Variants in FILIP1L observed in about 807,000 individuals in gnomAD.
FILIP1L encodes the protein filamin A interacting protein 1 like, also known as filamin A-interacting protein 1-like.
FILIP1L carries 55 observed loss-of-function variants against 96.6 expected under a neutral mutation model. The observed-to-expected ratio is 0.57, with a 90% CI of 0.46 to 0.71. The LOEUF (loss-of-function observed/expected upper bound fraction) is 0.71, where lower values mean the gene tolerates loss of function less well. FILIP1L is among the 30% of genes least tolerant of loss of function. The probability of loss-of-function intolerance (pLI) is 0.00; values close to 1 mark genes in which losing one functional copy is unlikely to be tolerated. For synonymous variants in FILIP1L, 467 were observed against 473.9 expected (o/e 0.99, Z 0.19); for missense variants, 1,304 against 1,321.2 (o/e 0.99, Z 0.20).
At chr3:99,917,183 G>T (rs776739830) in intron 4 of FILIP1L, among the ~76,000 whole-genome samples, 9 of 152,118 alleles carry the variant, frequency 5.9e-5, no homozygotes, top group Non-Finnish European at 1.2e-4. Context: ...TTCTCCTAGG[G>T]CTGTGCTGGC....
At chr3:99,896,143 AAC>A (rs1489902377) in intron 4 of FILIP1L, among the ~76,000 whole-genome samples, 4 of 152,198 alleles carry the variant, frequency 2.6e-5, no homozygotes, top group African/African-American at 9.7e-5. Context: ...AAGTGTGAAT[AAC>A]TGCTAATGGT....
At chr3:99,886,600 CA>C (rs369804940) in intron 4 of FILIP1L, among the ~76,000 whole-genome samples, 1,869 of 150,074 alleles carry the variant, frequency 0.012, 19 homozygotes, top group Admixed American at 0.021. Context: ...AACAAAGGCC[CA>C]AAAAAAAATT....
intron 1 of FILIP1L, among the ~76,000 whole-genome samples, chr3:100,066,467 T>C (rs2065664926): frequency 6.6e-6 from 1 of 151,394 alleles, no homozygotes; most frequent in Admixed American, 6.6e-5. Flanking sequence ...TGAATGGTGA[T>C]GTCATGGATA....
chr3:100,014,874 CTTTTTTTTTTTTCTTTCTTTCT>C (rs1710279654), intron 1 of FILIP1L, among the ~76,000 whole-genome samples: 2 of 28,210 alleles, frequency 7.1e-5, no homozygotes, highest in South Asian at 1.1e-3. Context: ...TTTTTCTTTT[CTTTTTTTTTTTTCTTTCTTTCT>C]TTTTTTTTTT....
intron 4 of FILIP1L, among the ~76,000 whole-genome samples, chr3:99,879,291 T>A (rs930186002): frequency 6.6e-6 from 1 of 152,238 alleles, no homozygotes. Context: ...TTAGCCATAT[T>A]ATATTATGTC....
intron 1 of FILIP1L, among the ~76,000 whole-genome samples, chr3:99,991,973 C>CATATATGTGTGTATAT (rs1248111331): frequency 6.8e-6 from 1 of 147,018 alleles, no homozygotes; most frequent in African/African-American, 2.5e-5. Flanking sequence ...TATATATACA[C>CATATATGTGTGTATAT]ACATATATGT....
intron 1 of FILIP1L, among the ~76,000 whole-genome samples, chr3:99,976,886 C>A (rs1054865743): frequency 1.3e-5 from 2 of 152,046 alleles, no homozygotes; most frequent in African/African-American, 4.8e-5. Flanking sequence ...CCTACCTTGC[C>A]CCCAGTCTTT....
intron 1 of FILIP1L, among the ~76,000 whole-genome samples, chr3:99,966,517 A>C (rs1345260120): frequency 6.6e-6 from 1 of 152,196 alleles, no homozygotes; most frequent in African/African-American, 2.4e-5. Flanking sequence ...AATAGTACGG[A>C]GACTTAGACT....
At chr3:99,919,159 C>T (rs181675314) in intron 4 of FILIP1L, among the ~76,000 whole-genome samples, 5 of 152,010 alleles carry the variant, frequency 3.3e-5, no homozygotes, top group Admixed American at 6.5e-5. Flanking sequence ...CTTAATGGCA[C>T]GATATTGAAT....
chr3:99,893,130 C>A (rs1706139129), intron 4 of FILIP1L, among the ~76,000 whole-genome samples: 1 of 145,688 alleles, frequency 6.9e-6, no homozygotes, highest in Non-Finnish European at 1.5e-5. Context: ...TTTCAGGTAT[C>A]TCTATTTCCA....
intron 5 of FILIP1L, among the ~76,000 whole-genome samples, chr3:99,844,891 T>C (rs1215666191): frequency 6.6e-6 from 1 of 152,182 alleles, no homozygotes; most frequent in African/African-American, 2.4e-5. Context: ...CCTTAGCTTT[T>C]CTTTGCCTCC....
chr3:100,083,137 T>C (rs1324964694), intron 1 of FILIP1L, among the ~76,000 whole-genome samples: 1 of 152,216 alleles, frequency 6.6e-6, no homozygotes, highest in African/African-American at 2.4e-5. Flanking sequence ...TGGCAGTCAG[T>C]ACCTGACAGG....
At chr3:100,073,288 G>C (rs1176593098) in intron 1 of FILIP1L, among the ~76,000 whole-genome samples, 2 of 152,152 alleles carry the variant, frequency 1.3e-5, no homozygotes. Context: ...CAACAGAAAA[G>C]TTGAGTTCTT....
chr3:99,965,245 C>T (rs1708614054), intron 1 of FILIP1L, among the ~76,000 whole-genome samples: 1 of 152,132 alleles, frequency 6.6e-6, no homozygotes, highest in African/African-American at 2.4e-5. Flanking sequence ...TCCTTTGAGT[C>T]CAAGTGGTTT....
intron 2 of FILIP1L, 63 bp downstream of exon 2, chr3:99,930,706 A>T: frequency 1.3e-6 from 2 of 1,572,810 alleles, no homozygotes; most frequent in East Asian, 4.5e-5. Context: ...GGCAGCAGGA[A>T]CACCAAATTC....
At chr3:100,033,725 C>A (rs999756373) in intron 1 of FILIP1L, among the ~76,000 whole-genome samples, 15 of 152,062 alleles carry the variant, frequency 9.9e-5, no homozygotes, top group South Asian at 2.1e-4. Flanking sequence ...TAAAAAAAAA[C>A]CTGATATATT....
At chr3:100,075,388 A>G (rs2065834257) in intron 1 of FILIP1L, among the ~76,000 whole-genome samples, 1 of 152,214 alleles carries the variant, frequency 6.6e-6, no homozygotes, top group Non-Finnish European at 1.5e-5. Flanking sequence ...AGGGCTTATG[A>G]TAACGAGCAG....
intron 1 of FILIP1L, among the ~76,000 whole-genome samples, chr3:100,080,904 C>A (rs1356884764): frequency 6.6e-6 from 1 of 152,160 alleles, no homozygotes; most frequent in Non-Finnish European, 1.5e-5. Context: ...TTGAAACCAG[C>A]CCATGGTTCT....
Position 99,910,500 on chromosome 3 carries a change from G to T in FILIP1L, c.605+13730C>A, listed in dbSNP as rs957945123. ...TAAACAAACACATGTCTTCACAGTT[G>T]TTAGGTGCTAGGTGAAGTGGCAGAT... On this transcript the variant is annotated intron_variant, in intron 4 of 5. Transcript: ENST00000477258. Among the ~76,000 whole-genome samples the T allele has an allele frequency of 8.0e-5, 11 of 136,682 alleles. 4 individuals carry two copies. The highest frequency in any genetic ancestry group is 1.8e-4 in the Non-Finnish European group (11 of 59,684). 89.7% of individuals were successfully genotyped at this position (136,682 alleles called of 152,430 possible). A position where few individuals can be genotyped will look rare whatever the true frequency, so the allele number is the denominator to read the frequency against.
Sources: gnomAD v4.1 joint callset for allele counts (sites outside exome capture counted in the v4.1 genomes callset) on GRCh38, gnomAD v4.1.1 for gene constraint, MANE v1.5 for transcripts, NCBI Gene and HGNC (gene_info 2026-07-23, HGNC 2026-07-21) for gene names.